SYNE1: variants seen among roughly 807,000 people sequenced by gnomAD.
SYNE1 encodes nesprin-1.
A neutral mutation model predicts 1,111.0 loss-of-function variants in SYNE1; 616 were observed. The ratio of observed to expected loss-of-function variants is 0.55; its 90% confidence interval spans 0.52 to 0.59. SYNE1 has a LOEUF of 0.59. Among genes scored for constraint, SYNE1 ranks in the 20% least tolerant of loss-of-function variants. The probability of loss-of-function intolerance (pLI) is 0.00; values close to 1 mark genes in which losing one functional copy is unlikely to be tolerated. For synonymous variants in SYNE1, 3,855 were observed against 3,825.8 expected (o/e 1.01, Z -0.28); for missense variants, 10,006 against 10,417.0 (o/e 0.96, Z 1.72).
At chr6:152,441,850 C>T (rs904812623) in intron 31 of SYNE1, among the ~76,000 whole-genome samples, 1 of 152,150 alleles carries the variant, frequency 6.6e-6, no homozygotes, top group Non-Finnish European at 1.5e-5. Context: ...AGCACCTAGT[C>T]CTCAAACTCT....
chr6:152,476,567 T>C (rs1249502582), intron 14 of SYNE1, among the ~76,000 whole-genome samples: 1 of 152,044 alleles, frequency 6.6e-6, no homozygotes, highest in Non-Finnish European at 1.5e-5. Context: ...GAAAATACTG[T>C]CATTCCTTTG....
chr6:152,412,697 GA>G (rs1330173239), intron 42 of SYNE1, among the ~76,000 whole-genome samples: 3 of 151,870 alleles, frequency 2.0e-5, no homozygotes, highest in African/African-American at 7.3e-5. Flanking sequence ...CATTGCGTAT[GA>G]AAAAAAGTAA....
At chr6:152,197,433 A>G (rs536738991) in intron 127 of SYNE1, among the ~76,000 whole-genome samples, 132 of 152,344 alleles carry the variant, frequency 8.7e-4, no homozygotes, top group African/African-American at 2.9e-3. Flanking sequence ...TACTTTGCCC[A>G]GATCCATCAT....
chr6:152,480,174 C>T (rs1023201590), intron 14 of SYNE1, among the ~76,000 whole-genome samples: 1 of 152,170 alleles, frequency 6.6e-6, no homozygotes, highest in Non-Finnish European at 1.5e-5. Context: ...TACATCAAAT[C>T]GAGAGACTGA....
chr6:152,401,246 T>C lies in SYNE1; in HGVS notation c.6921A>G (p.Thr2307=). The C allele has an allele frequency of 6.2e-7, 1 of 1,614,206 alleles. No homozygotes were observed. The highest frequency in any genetic ancestry group is 1.1e-5 in the South Asian group (1 of 91,088). ...TGTCATTAATAAACTTCTCCACTTG[T>C]GTACTTTGAGCCGTGAAATCCTTCA... is the stretch of plus-strand genomic sequence containing the variant. ...GTLKDFTAQS[T]QVEKFINDIT... is the part of the protein sequence containing the mutation. Residue 2307 remains threonine, a synonymous_variant, in exon 47 of 146, where the codon ACA becomes ACG. Transcript: ENST00000367255.
intron 46 of SYNE1, among the ~76,000 whole-genome samples, chr6:152,401,736 T>C (rs1338822444): frequency 1.3e-5 from 2 of 152,216 alleles, no homozygotes; most frequent in African/African-American, 4.8e-5. Context: ...GGGGCAAACA[T>C]CACTGTAGGA....
intron 24 of SYNE1, 92 bp downstream of exon 24, chr6:152,455,334 T>C: frequency 7.1e-7 from 1 of 1,411,466 alleles, no homozygotes; most frequent in Non-Finnish European, 9.6e-7. Flanking sequence ...CCGCTCTCCT[T>C]CTGTATCAGA....
chr6:152,488,056 G>C (rs1053093201), intron 12 of SYNE1, among the ~76,000 whole-genome samples: 4 of 144,326 alleles, frequency 2.8e-5, no homozygotes. Flanking sequence ...GCCTGGGAGA[G>C]AGAGTGAGAC....
Position 152,358,532 on chromosome 6 carries a change from G to A in SYNE1, c.10449C>T (p.Ala3483=), listed in dbSNP as rs759403120. 1.9e-5 allele frequency: 30 copies of A among 1,613,848 alleles called. No homozygotes were observed. The East Asian group carries it at 4.0e-4, about 22-fold the overall frequency. The change falls in exon 66 of 146, where the codon GCC becomes GCT. Residue 3483 remains alanine, a synonymous_variant. Coordinates refer to ENST00000367255, the MANE Select transcript of SYNE1 (RefSeq NM_182961.4). The part of the protein sequence containing the change: ...YRAIQERAKE[A]VTKSEKLVRL... Reference sequence around the variant, plus strand: ...GGACAAGTTTTTCAGACTTGGTTACGGCTTCCTATAATTAGCATTTAAAAT... The same window carrying A: ...GGACAAGTTTTTCAGACTTGGTTACAGCTTCCTATAATTAGCATTTAAAAT...
chr6:152,584,855 A>C (rs547683164), intron 3 of SYNE1, among the ~76,000 whole-genome samples: 37 of 152,226 alleles, frequency 2.4e-4, no homozygotes, highest in South Asian at 8.3e-4. Flanking sequence ...TTAAATCTTC[A>C]TCATATTTTA....
At chr6:152,334,679 AGACATCAG>A (rs1433338076) in intron 76 of SYNE1, among the ~76,000 whole-genome samples, 8 of 152,236 alleles carry the variant, frequency 5.3e-5, no homozygotes, top group African/African-American at 1.9e-4. Flanking sequence ...TTTATTCTCA[AGACATCAG>A]GACATTAGGA....
rs745616824 is a variant in SYNE1 at position 152,444,486 on chromosome 6, T to A, written c.3762A>T (p.Glu1254Asp). 1.9e-6 allele frequency: 3 copies of A among 1,613,910 alleles called. No homozygotes were observed. The highest frequency in any genetic ancestry group is 1.7e-5 in the Admixed American group (1 of 60,014). ...SLEELISGSK[E>D]VQEQAEKILD... Reference sequence around the variant, plus strand: ...AGATCTTCTCAGCTTGTTCCTGGACTTCTTTAGAGCCAGAAATTAATTCTT... The same window carrying A: ...AGATCTTCTCAGCTTGTTCCTGGACATCTTTAGAGCCAGAAATTAATTCTT... The change falls in exon 30 of 146, where the codon GAA (glutamate) becomes GAT (aspartate). Residue 1254 changes from glutamate (E) to aspartate (D), a missense_variant. Glu to Asp is a conservative substitution (Grantham distance 45, BLOSUM62 2). Around this residue, in one of 7 missense-constraint regions of SYNE1, gnomAD observed 1,971 missense variants for 2,084.1 expected, o/e 0.95. Transcript: ENST00000367255.
intron 59 of SYNE1, among the ~76,000 whole-genome samples, chr6:152,371,935 C>CAGGAAAGGAAAGGAAAGGAA (rs202166129): frequency 6.4e-5 from 4 of 62,836 alleles, no homozygotes; most frequent in African/African-American, 1.9e-4. Flanking sequence ...CAGGACAGGA[C>CAGGAAAGGAAAGGAAAGGAA]AGGAAAGGAA....
At chr6:152,335,396 G>C (rs1439222407) in intron 76 of SYNE1, 1 of 152,020 alleles carries the variant, frequency 6.6e-6, no homozygotes, top group African/African-American at 2.4e-5. Flanking sequence ...TGCTTATTAA[G>C]ACATTTCTGT....
chr6:152,263,956 C>G (rs1483092157), intron 100 of SYNE1, among the ~76,000 whole-genome samples: 1 of 151,766 alleles, frequency 6.6e-6, no homozygotes, highest in Non-Finnish European at 1.5e-5. Flanking sequence ...GTGGCTCATG[C>G]CCAGCACTTT....
intron 134 of SYNE1, 74 bp from the exon 135 acceptor site, chr6:152,151,764 G>A (rs764045486): frequency 3.4e-5 from 53 of 1,557,740 alleles, no homozygotes; most frequent in Non-Finnish European, 4.6e-5. Flanking sequence ...ATGGCACAGC[G>A]AATTCCAGTG....
chr6:152,421,133 T>C (rs917116160), intron 39 of SYNE1, among the ~76,000 whole-genome samples: 3 of 152,228 alleles, frequency 2.0e-5, no homozygotes, highest in Admixed American at 2.0e-4. Flanking sequence ...TACTTTTCTA[T>C]GTGATGCCTT....
rs749262350 is a variant in SYNE1, at chr6:152,461,593, G to A, written c.2394+4C>T. ...GCCTATTGTGCATTAAATTATTTTC[G>A]CACCTTGGTTAGCTGCTCTTTGAGC... On this transcript the variant is annotated splice_donor_region_variant and intron_variant, in intron 21 of 145. Transcript: ENST00000367255. 23 of 1,613,776 alleles carry A rather than the reference G, an allele frequency of 1.4e-5. No homozygotes were observed. The highest frequency in any genetic ancestry group is 1.6e-4 in the Middle Eastern group (1 of 6,084).
intron 42 of SYNE1, 136 bp from the exon 43 acceptor site, chr6:152,409,845 C>A: frequency 1.1e-6 from 1 of 910,462 alleles, no homozygotes. Context: ...TGTCCTCAAA[C>A]TAGTGCTGCT....
Sources: allele counts gnomAD v4.1 joint callset (sites outside exome capture counted in the v4.1 genomes callset), GRCh38; gene constraint gnomAD v4.1.1; regional missense constraint gnomAD v4.1.1; transcripts MANE v1.5; gene names NCBI Gene and HGNC (gene_info 2026-07-23, HGNC 2026-07-21).